Variants in RAP1B observed in about 807,000 individuals in gnomAD.
The protein encoded by RAP1B is ras-related protein Rap-1b.
In RAP1B, 1 loss-of-function variant was observed where a neutral mutation model predicts 27.5. The ratio of observed to expected loss-of-function variants is 0.04; its 90% CI spans 0.01 to 0.17. The LOEUF is 0.17. RAP1B is among the 10% of genes least tolerant of loss of function. The probability of loss-of-function intolerance (pLI) is 1.00; values close to 1 mark genes in which losing one functional copy is unlikely to be tolerated. For missense variants in RAP1B, 84 were observed against 214.8 expected (o/e 0.39, Z 3.81); for synonymous variants, 75 against 73.1 (o/e 1.03, Z -0.13).
intron 1 of RAP1B, among the ~76,000 whole-genome samples, chr12:68,619,186 G>C (rs1871227310): frequency 6.6e-6 from 1 of 152,172 alleles, no homozygotes; most frequent in Admixed American, 6.5e-5. Context: ...GTCACACGCT[G>C]AATCAATCTT....
rs910706873 is a variant in RAP1B, at chr12:68,661,758, G to A, written c.*2509G>A. 2.0e-5 allele frequency: 3 copies of A among 152,018 alleles called. No individual in the cohort carries two copies. Among genetic ancestry groups the A allele is most frequent in the African/African-American group, 7.3e-5 (3 of 41,364 alleles). The allele number at this position is 152,018 out of a possible 1,614,324, so 9.4% of individuals were successfully genotyped here. A position where few individuals can be genotyped will look rare whatever the true frequency, so the allele number is the denominator to read the frequency against. On this transcript the variant is annotated 3_prime_UTR_variant, in exon 8 of 8. Coordinates refer to ENST00000250559, the MANE Select transcript of RAP1B (RefSeq NM_001010942.3). ...TGGAGGGCAAAATCACCCTGGTGAA[G>A]AACTACTGCTCTGGTGGGAAACAAC...
intron 1 of RAP1B, chr12:68,641,019 C>G (rs1352429406): frequency 6.6e-6 from 1 of 151,848 alleles, no homozygotes; most frequent in Admixed American, 6.6e-5. Flanking sequence ...TTTTTTGTTT[C>G]GTTTTGTTTT....
intron 1 of RAP1B, among the ~76,000 whole-genome samples, chr12:68,628,771 A>G (rs965963409): frequency 5.9e-5 from 9 of 152,196 alleles, no homozygotes; most frequent in Non-Finnish European, 1.3e-4. Flanking sequence ...TTGAAATTAA[A>G]TAAAATCAAA....
chr12:68,615,507 T>G (rs1275369190), intron 1 of RAP1B, among the ~76,000 whole-genome samples: 1 of 151,794 alleles, frequency 6.6e-6, no homozygotes, highest in Non-Finnish European at 1.5e-5. Context: ...GAGAATCGCT[T>G]GAACCTGGGA....
chr12:68,649,803 T>C (rs1206629573), intron 2 of RAP1B: 3 of 152,238 alleles, frequency 2.0e-5, no homozygotes, highest in Non-Finnish European at 4.4e-5. Context: ...AATTTAAAAA[T>C]CAAATTTAAG....
intron 1 of RAP1B, 106 bp from the exon 2 acceptor site, chr12:68,648,593 G>A: frequency 1.1e-6 from 1 of 923,380 alleles, no homozygotes; most frequent in Non-Finnish European, 1.6e-6. Context: ...GGGTTGTATA[G>A]TAATCATTTT....
rs141497921 is a variant in RAP1B, at chr12:68,668,961, T to C, written c.*9712T>C. On this transcript the variant is annotated 3_prime_UTR_variant, in exon 8 of 8. Coordinates refer to ENST00000250559, the MANE Select transcript of RAP1B (RefSeq NM_001010942.3). ...ATGAAATAGGGGCTGAGTCTCCTAA[T>C]AGAGCTAATGAATGCATTATATCAA... 1 of 152,312 alleles carries C rather than the reference T, an allele frequency of 6.6e-6. No individual in the cohort carries two copies. Among genetic ancestry groups the C allele is most frequent in the Non-Finnish European group, 1.5e-5 (1 of 68,016 alleles). The allele number at this position is 152,312 out of a possible 1,614,324, so 9.4% of individuals were successfully genotyped here.
chr12:68,627,443 G>T, intron 1 of RAP1B: 2 of 389,664 alleles, frequency 5.1e-6, no homozygotes, highest in South Asian at 5.6e-5. Context: ...ACTAATAATA[G>T]TGTTAGGAGT....
intron 5 of RAP1B, among the ~76,000 whole-genome samples, chr12:68,654,760 A>C (rs1000468513): frequency 2.7e-5 from 4 of 150,844 alleles, no homozygotes; most frequent in African/African-American, 9.9e-5. Flanking sequence ...TTTAAAGGCA[A>C]GAAATACATT....
In RAP1B at chr12:68,668,154, GCCC is replaced by G. The variant is rs1874927961; in HGVS notation, c.*8909_*8911del. On this transcript the variant is annotated 3_prime_UTR_variant, in exon 8 of 8. Coordinates refer to ENST00000250559, the MANE Select transcript of RAP1B (RefSeq NM_001010942.3). Reference sequence around the variant, plus strand: ...AGAATTAATGACTTGGTTGCCCTAGGCCCCCCGTCAAGGCTTTTGTTCAAGGGA... The same window carrying G: ...AGAATTAATGACTTGGTTGCCCTAGGCCCGTCAAGGCTTTTGTTCAAGGGA... 1 of 152,160 alleles carries G rather than the reference GCCC, an allele frequency of 6.6e-6. No homozygotes were observed. The highest frequency in any genetic ancestry group is 2.4e-5 in the African/African-American group (1 of 41,426). The allele number at this position is 152,160 out of a possible 1,614,324, so 9.4% of individuals were successfully genotyped here.
intron 5 of RAP1B, among the ~76,000 whole-genome samples, chr12:68,655,289 A>T (rs946096049): frequency 6.6e-6 from 1 of 152,128 alleles, no homozygotes; most frequent in Non-Finnish European, 1.5e-5. Context: ...ACTGCACTCC[A>T]TCTAGGGTGA....
intron 1 of RAP1B, among the ~76,000 whole-genome samples, chr12:68,633,873 A>G (rs1872443182): frequency 6.6e-6 from 1 of 152,200 alleles, no homozygotes; most frequent in Non-Finnish European, 1.5e-5. Context: ...CTGTCTCAAA[A>G]AAACAAAAAA....
intron 1 of RAP1B, among the ~76,000 whole-genome samples, chr12:68,628,475 T>C: frequency 6.6e-6 from 1 of 152,250 alleles, no homozygotes; most frequent in East Asian, 1.9e-4. Flanking sequence ...TATTTTTATA[T>C]GTAAATGTGA....
At chr12:68,637,599 C>CAAAAAAAAAAAAAAAAAAA (rs58656248) in intron 1 of RAP1B, among the ~76,000 whole-genome samples, 9 of 34,254 alleles carry the variant, frequency 2.6e-4, no homozygotes, top group Non-Finnish European at 3.2e-4. Flanking sequence ...AACTCCATCT[C>CAAAAAAAAAAAAAAAAAAA]AAAAAAAAAA....
chr12:68,642,387 A>G, intron 1 of RAP1B: 1 of 476,232 alleles, frequency 2.1e-6, no homozygotes, highest in Non-Finnish European at 3.9e-6. Flanking sequence ...AAACTGAGTT[A>G]GCAATGAGAG....
At chr12:68,613,414 TAAG>T (rs1347999717) in intron 1 of RAP1B, among the ~76,000 whole-genome samples, 1 of 140,768 alleles carries the variant, frequency 7.1e-6, no homozygotes, top group South Asian at 2.2e-4. Flanking sequence ...AAAAAGGAGA[TAAG>T]AAAATGATTG....
intron 1 of RAP1B, among the ~76,000 whole-genome samples, chr12:68,625,482 GT>G (rs2135925357): frequency 6.6e-6 from 1 of 152,254 alleles, no homozygotes; most frequent in South Asian, 2.1e-4. Context: ...TTGTTACTTG[GT>G]TAATTTTTCT....
In RAP1B at chr12:68,661,655, G is replaced by A. The variant is rs1242633761; in HGVS notation, c.*2406G>A. 1 of 151,840 alleles carries A rather than the reference G, an allele frequency of 6.6e-6. No individual in the cohort carries two copies. Among genetic ancestry groups the A allele is most frequent in the Admixed American group, 6.6e-5 (1 of 15,196 alleles). 9.4% of individuals were successfully genotyped at this position (151,840 alleles called of 1,614,324 possible). Reference sequence around the variant, plus strand: ...CCAGTCACACCACCCCAGCCCCCAAGTTGTGGCAACCAAAAATGTTTCCAG... The same window carrying A: ...CCAGTCACACCACCCCAGCCCCCAAATTGTGGCAACCAAAAATGTTTCCAG... On this transcript the variant is annotated 3_prime_UTR_variant, in exon 8 of 8. Transcript: ENST00000250559.
chr12:68,619,268 A>G (rs577262109), intron 1 of RAP1B, among the ~76,000 whole-genome samples: 1 of 152,326 alleles, frequency 6.6e-6, no homozygotes, highest in East Asian at 1.9e-4. Context: ...GAAAACAGTG[A>G]GGCTTTGCTT....
Sources: gnomAD v4.1 joint callset for allele counts (sites outside exome capture counted in the v4.1 genomes callset) on GRCh38, gnomAD v4.1.1 for gene constraint, MANE v1.5 for transcripts, NCBI Gene and HGNC (gene_info 2026-07-23, HGNC 2026-07-21) for gene names.